Variants in STK10 observed in about 807,000 individuals in gnomAD.
The protein encoded by STK10 is serine/threonine kinase 10.
In STK10, 78 loss-of-function variants were observed where a neutral mutation model predicts 113.8. The ratio of observed to expected loss-of-function variants is 0.69; its 90% CI spans 0.57 to 0.83. STK10 has a LOEUF of 0.83. STK10 is among the 40% of genes least tolerant of loss of function. The probability of loss-of-function intolerance (pLI) is 0.00; values close to 1 mark genes in which losing one functional copy is unlikely to be tolerated. For missense variants in STK10, 1,109 were observed against 1,280.1 expected, an observed-to-expected ratio of 0.87 and a Z score of 2.04; for synonymous variants, 465 against 494.7, an observed-to-expected ratio of 0.94 and a Z score of 0.80.
chr5:172,053,132 A>G, intron 17 of STK10, 90 bp from the exon 18 acceptor site: 1 of 930,482 alleles, frequency 1.1e-6, no homozygotes, highest in South Asian at 1.4e-5. Context: ...CTACGAGGGC[A>G]CCAGCATCGT....
At chr5:172,181,408 A>G (rs1454115446) in intron 1 of STK10, among the ~76,000 whole-genome samples, 1 of 152,126 alleles carries the variant, frequency 6.6e-6, no homozygotes, top group Admixed American at 6.6e-5. Context: ...ATTTTTACGA[A>G]GGGATAATTG....
intron 1 of STK10, among the ~76,000 whole-genome samples, chr5:172,162,459 C>T (rs1239783212): frequency 6.6e-6 from 1 of 152,252 alleles, no homozygotes; most frequent in Non-Finnish European, 1.5e-5. Context: ...CTCACACACA[C>T]ACACACAGTC....
At chr5:172,090,180 C>G in intron 10 of STK10, 52 bp downstream of exon 10, 1 of 1,605,004 alleles carries the variant, frequency 6.2e-7, no homozygotes, top group Admixed American at 1.7e-5. Flanking sequence ...GCCCACTCCT[C>G]TTACCATAGC....
chr5:172,136,281 AG>A (rs1769856996), intron 2 of STK10, among the ~76,000 whole-genome samples: 2 of 152,162 alleles, frequency 1.3e-5, no homozygotes, highest in Non-Finnish European at 2.9e-5. Flanking sequence ...GTAACTTCTA[AG>A]GAGACTGAAC....
chr5:172,183,708 C>T (rs1383036375), intron 1 of STK10, among the ~76,000 whole-genome samples: 1 of 152,122 alleles, frequency 6.6e-6, no homozygotes, highest in Non-Finnish European at 1.5e-5. Context: ...CCACCAGCCT[C>T]GGCCTCCCAA....
intron 1 of STK10, among the ~76,000 whole-genome samples, chr5:172,162,293 G>A (rs1770487657): frequency 6.6e-6 from 1 of 151,972 alleles, no homozygotes; most frequent in African/African-American, 2.4e-5. Flanking sequence ...TGAGCCGACT[G>A]CGCCACTGCA....
intron 12 of STK10, among the ~76,000 whole-genome samples, chr5:172,069,251 G>A (rs559151704): frequency 6.6e-6 from 1 of 151,738 alleles, no homozygotes; most frequent in African/African-American, 2.4e-5. Context: ...TTTCAGATGG[G>A]ATTAAAAAAA....
chr5:172,095,270 C>T (rs766338366), intron 8 of STK10, among the ~76,000 whole-genome samples: 1 of 152,226 alleles, frequency 6.6e-6, no homozygotes, highest in Non-Finnish European at 1.5e-5. Context: ...GGCTCAAAAA[C>T]GCAGATCTGA....
At position 172,169,961 on chromosome 5, in the gene STK10, G is replaced by A. The variant is rs188376501; in HGVS notation, c.157-13173C>T. 7.2e-5 allele frequency among the ~76,000 whole-genome samples: 11 copies of A among 152,212 alleles called. No individual in the cohort carries two copies. The East Asian group carries it at 1.9e-3, about 27-fold the overall frequency. On this transcript the variant is annotated intron_variant, in intron 1 of 18. Coordinates refer to ENST00000176763, the MANE Select transcript of STK10 (RefSeq NM_005990.4). ...GACATAAACAATTTCAGTGACGCAC[G>A]GGAAAATCAATAAACCACTATGGGT...
rs1399252807 is a variant in STK10, at chr5:172,150,784, C to T, written c.321+5840G>A. On this transcript the variant is annotated intron_variant, in intron 2 of 18. Coordinates refer to ENST00000176763, the MANE Select transcript of STK10 (RefSeq NM_005990.4). ...CATGCCCTGCTCTTGATCCTGGGACCAGTACTTCCTCTTTACAGAATGCTC... is the reference window on the plus strand; with the variant it reads ...CATGCCCTGCTCTTGATCCTGGGACTAGTACTTCCTCTTTACAGAATGCTC... 3.3e-5 allele frequency among the ~76,000 whole-genome samples: 5 copies of T among 152,326 alleles called. 1 individual carries two copies. The highest frequency in any genetic ancestry group is 1.2e-4 in the African/African-American group (5 of 41,566).
Position 172,148,206 on chromosome 5 carries a change from G to C in STK10, c.321+8418C>G, listed in dbSNP as rs148449351. Among the ~76,000 whole-genome samples the C allele has an allele frequency of 2.6e-5, 4 of 152,296 alleles. No homozygotes were observed. The East Asian group carries it at 7.7e-4, about 29-fold the overall frequency. On this transcript the variant is annotated intron_variant, in intron 2 of 18. Transcript: ENST00000176763. Reference sequence around the variant, plus strand: ...GAAGCCTGGAGCTCAGAGGCACGAAGAGGCGTGTCTGGGGTCACACAGCAG... The same window carrying C: ...GAAGCCTGGAGCTCAGAGGCACGAACAGGCGTGTCTGGGGTCACACAGCAG...
intron 2 of STK10, among the ~76,000 whole-genome samples, chr5:172,135,866 A>G (rs1450186536): frequency 6.6e-6 from 1 of 151,988 alleles, no homozygotes; most frequent in Non-Finnish European, 1.5e-5. Context: ...GTCTCTACTA[A>G]AAATACAAAA....
At position 172,156,731 on chromosome 5, in the gene STK10, C is replaced by T. The variant is rs755785096; in HGVS notation, c.214G>A (p.Glu72Lys). 6.2e-7 allele frequency: 1 copy of T among 1,614,186 alleles called. No individual in the cohort carries two copies. Among genetic ancestry groups the T allele is most frequent in the South Asian group, 1.1e-5 (1 of 91,088 alleles). The change falls in exon 2 of 19, where the codon GAG becomes AAG. Residue 72 changes from glutamate to lysine, a missense_variant. Coordinates refer to ENST00000176763, the MANE Select transcript of STK10 (RefSeq NM_005990.4). ...ACGATGTAGTCCTCCAGCTCCTCCT[C>T]ACTCTTGGTTTCAATGACTTTGGCC... The part of the protein sequence containing the change: ...AAAKVIETKS[E>K]EELEDYIVEI...
intron 2 of STK10, among the ~76,000 whole-genome samples, chr5:172,134,801 G>C (rs1769819792): frequency 1.3e-5 from 2 of 151,208 alleles, no homozygotes; most frequent in African/African-American, 4.9e-5. Context: ...GCACACACCT[G>C]TGGTCCCAGA....
chr5:172,174,511 C>T (rs559082492), intron 1 of STK10, among the ~76,000 whole-genome samples: 3 of 152,240 alleles, frequency 2.0e-5, no homozygotes, highest in African/African-American at 4.8e-5. Flanking sequence ...CTACCCTCCG[C>T]GGGCCCTGTT....
intron 7 of STK10, among the ~76,000 whole-genome samples, chr5:172,102,388 C>T (rs750513467): frequency 6.6e-6 from 1 of 152,102 alleles, no homozygotes; most frequent in Non-Finnish European, 1.5e-5. Context: ...AGCACGTCGG[C>T]GAAAAGATCC....
In STK10 at chr5:172,133,755, T is replaced by C. The variant is rs73327488; in HGVS notation, c.322-6334A>G. On this transcript the variant is annotated intron_variant, in intron 2 of 18. Coordinates refer to ENST00000176763, the MANE Select transcript of STK10 (RefSeq NM_005990.4). The surrounding 1 kb of genome is among the most constrained non-coding windows in gnomAD (Gnocchi z 4.9). ...CCCTACTGACTTTTTAGGCAGAATATGCAAACGAATTAATTTCTGCGCTGT... is the reference window on the plus strand; with the variant it reads ...CCCTACTGACTTTTTAGGCAGAATACGCAAACGAATTAATTTCTGCGCTGT... 0.073 allele frequency among the ~76,000 whole-genome samples: 11,050 copies of C among 152,292 alleles called. 1,333 individuals carry two copies. The highest frequency in any genetic ancestry group is 0.25 in the African/African-American group (10,454 of 41,506).
At chr5:172,138,993 G>A (rs776460063) in intron 2 of STK10, among the ~76,000 whole-genome samples, 10 of 152,162 alleles carry the variant, frequency 6.6e-5, no homozygotes, top group African/African-American at 2.4e-4. Context: ...CAGTCTGGGC[G>A]ACAGAGCGAG....
chr5:172,097,102 A>G (rs186848573), intron 7 of STK10, among the ~76,000 whole-genome samples: 1 of 152,350 alleles, frequency 6.6e-6, no homozygotes, highest in Non-Finnish European at 1.5e-5. Flanking sequence ...GCAGTTGCGC[A>G]ATCTTGGCTC....
Sources: allele counts gnomAD v4.1 joint callset (sites outside exome capture counted in the v4.1 genomes callset), GRCh38; gene constraint gnomAD v4.1.1; non-coding constraint Gnocchi (gnomAD v3.1); transcripts MANE v1.5; gene names NCBI Gene and HGNC (gene_info 2026-07-23, HGNC 2026-07-21).